OXSR1: variants seen among roughly 807,000 people sequenced by gnomAD.
OXSR1 encodes the protein serine/threonine-protein kinase OSR1.
OXSR1 carries 24 observed loss-of-function variants against 79.8 expected under a neutral mutation model. The ratio of observed to expected loss-of-function variants is 0.30; its 90% CI spans 0.22 to 0.42. OXSR1 has a LOEUF of 0.42. Ranked by LOEUF, OXSR1 falls within the 10% of genes least tolerant of loss-of-function variation. The probability of loss-of-function intolerance (pLI) is 1.00; values close to 1 mark genes in which losing one functional copy is unlikely to be tolerated. For synonymous variants in OXSR1, 226 were observed against 209.2 expected (o/e 1.08, Z -0.69); for missense variants, 430 against 618.4 (o/e 0.70, Z 3.23).
chr3:38,237,145 T>TA (rs1702935666), intron 11 of OXSR1, among the ~76,000 whole-genome samples, 184 bp downstream of exon 11: 2 of 151,976 alleles, frequency 1.3e-5, no homozygotes, highest in African/African-American at 4.8e-5. Context: ...TGATAATATT[T>TA]AGAGTATATA....
intron 12 of OXSR1, among the ~76,000 whole-genome samples, chr3:38,244,637 CTGTGTGTGTGTG>C (rs112035003): frequency 3.0e-5 from 3 of 99,400 alleles, no homozygotes; most frequent in African/African-American, 6.4e-5. Context: ...TAATATTCCT[CTGTGTGTGTGTG>C]TGTGTGTGTG....
At chr3:38,188,567 GTCT>G (rs1701926076) in intron 2 of OXSR1, among the ~76,000 whole-genome samples, 3 of 152,110 alleles carry the variant, frequency 2.0e-5, no homozygotes, top group African/African-American at 4.8e-5. Flanking sequence ...CTCCAGTCTT[GTCT>G]TCTTCATTGA....
intron 2 of OXSR1, among the ~76,000 whole-genome samples, chr3:38,189,779 G>A (rs887457585): frequency 6.6e-6 from 1 of 152,218 alleles, no homozygotes; most frequent in East Asian, 1.9e-4. Flanking sequence ...TGTGGGGGAT[G>A]TCAAAAGAAA....
At chr3:38,232,397 G>A (rs1340674344) in intron 10 of OXSR1, among the ~76,000 whole-genome samples, 1 of 152,002 alleles carries the variant, frequency 6.6e-6, no homozygotes, top group African/African-American at 2.4e-5. Context: ...ACTTCAGCCT[G>A]GGTGAATACC....
rs932960168 is a variant in OXSR1, at chr3:38,165,859, C to T, written c.-18C>T. 11 of 1,603,074 alleles carry T rather than the reference C, an allele frequency of 6.9e-6. No homozygotes were observed. The highest frequency in any genetic ancestry group is 1.7e-5 in the Admixed American group (1 of 58,796). ...GGTCAGCGAGTTTGAGGGAGGACCG[C>T]GAGCCGCTGCCGCCGTCATGTCCGA... is the stretch of plus-strand genomic sequence containing the variant. On this transcript the variant is annotated 5_prime_UTR_variant, in exon 1 of 18. Transcript: ENST00000311806.
At chr3:38,220,639 G>T (rs981488860) in intron 5 of OXSR1, among the ~76,000 whole-genome samples, 1 of 152,194 alleles carries the variant, frequency 6.6e-6, no homozygotes, top group African/African-American at 2.4e-5. Flanking sequence ...TCTAGCCTCA[G>T]AATGGGCAGG....
At chr3:38,209,940 T>C (rs1702352234) in intron 4 of OXSR1, among the ~76,000 whole-genome samples, 1 of 152,194 alleles carries the variant, frequency 6.6e-6, no homozygotes, top group African/African-American at 2.4e-5. Flanking sequence ...TCTTTTAACA[T>C]TTCTTGCAAG....
At chr3:38,242,718 A>G (rs747351641) in intron 11 of OXSR1, 25 bp from the exon 12 acceptor site, 23 of 1,496,690 alleles carry the variant, frequency 1.5e-5, no homozygotes, top group Middle Eastern at 3.5e-4. Context: ...TGAGTTAACA[A>G]TCATCCTTTT....
chr3:38,235,203 T>C (rs1351670454), intron 10 of OXSR1, among the ~76,000 whole-genome samples: 1 of 152,200 alleles, frequency 6.6e-6, no homozygotes, highest in Non-Finnish European at 1.5e-5. Context: ...TAAAAATCAT[T>C]GAACTGTATA....
intron 14 of OXSR1, among the ~76,000 whole-genome samples, chr3:38,249,719 T>C (rs910859014): frequency 2.6e-5 from 4 of 152,108 alleles, no homozygotes; most frequent in African/African-American, 9.7e-5. Context: ...AAGAATCTAC[T>C]CAAAGGCATG....
chr3:38,246,849 G>A (rs1227692810), intron 13 of OXSR1, among the ~76,000 whole-genome samples: 1 of 152,100 alleles, frequency 6.6e-6, no homozygotes, highest in African/African-American at 2.4e-5. Context: ...ACAACATGTG[G>A]CCCTATGGTA....
chr3:38,169,471 A>C (rs2125798632), intron 1 of OXSR1, among the ~76,000 whole-genome samples: 1 of 151,958 alleles, frequency 6.6e-6, no homozygotes, highest in South Asian at 2.1e-4. Flanking sequence ...ATGCCCAGCT[A>C]ATTTTTGTGT....
At chr3:38,244,647 G>GTA (rs1703100067) in intron 12 of OXSR1, among the ~76,000 whole-genome samples, 1 of 130,158 alleles carries the variant, frequency 7.7e-6, no homozygotes, top group Admixed American at 7.7e-5. Flanking sequence ...CTGTGTGTGT[G>GTA]TGTGTGTGTG....
chr3:38,190,093 T>C (rs1482696486), intron 2 of OXSR1, among the ~76,000 whole-genome samples: 1 of 152,058 alleles, frequency 6.6e-6, no homozygotes, highest in African/African-American at 2.4e-5. Flanking sequence ...TGAGGCACAA[T>C]AGGGTTAAAT....
intron 12 of OXSR1, 135 bp from the exon 13 acceptor site, chr3:38,245,940 C>A: frequency 1.4e-6 from 1 of 695,710 alleles, no homozygotes; most frequent in South Asian, 1.7e-5. Context: ...TAGATATATT[C>A]GGAGTAGACA....
intron 3 of OXSR1, 93 bp downstream of exon 3, chr3:38,190,932 C>A: frequency 2.8e-6 from 2 of 720,618 alleles, no homozygotes; most frequent in Non-Finnish European, 4.9e-6. Context: ...TTTTCATGGA[C>A]ATTTGCATTT....
chr3:38,251,114 G>T (rs1394778206), intron 15 of OXSR1, among the ~76,000 whole-genome samples: 2 of 152,124 alleles, frequency 1.3e-5, no homozygotes, highest in Admixed American at 6.6e-5. Context: ...AATCATTCTG[G>T]TTTTTTAGCC....
chr3:38,172,507 A>G (rs1701601204), intron 1 of OXSR1, among the ~76,000 whole-genome samples: 2 of 152,194 alleles, frequency 1.3e-5, no homozygotes, highest in African/African-American at 4.8e-5. Flanking sequence ...TAGCTTTGAC[A>G]CTTTGAAGGC....
At chr3:38,246,401 T>C (rs7636551) in intron 13 of OXSR1, among the ~76,000 whole-genome samples, 180 bp downstream of exon 13, 5,192 of 152,274 alleles carry the variant, frequency 0.034, 275 homozygotes, top group African/African-American at 0.12. Context: ...AAGGATCACA[T>C]GCAGGTTTTT....
Sources: allele counts gnomAD v4.1 joint callset (sites outside exome capture counted in the v4.1 genomes callset), GRCh38; gene constraint gnomAD v4.1.1; transcripts MANE v1.5; gene names NCBI Gene and HGNC (gene_info 2026-07-23, HGNC 2026-07-21).